Variants in PTPN6 observed in about 807,000 individuals in gnomAD.
The protein encoded by PTPN6 is tyrosine-protein phosphatase non-receptor type 6.
In PTPN6, 18 loss-of-function variants were observed where a neutral mutation model predicts 81.5. The ratio of observed to expected loss-of-function variants is 0.22; its 90% CI spans 0.15 to 0.33. The LOEUF is 0.33. Among genes scored for constraint, PTPN6 ranks in the 10% least tolerant of loss-of-function variants. The pLI is 1.00. For missense variants in PTPN6, 500 were observed against 794.2 expected (o/e 0.63, Z 4.45); for synonymous variants, 301 against 310.9 (o/e 0.97, Z 0.33).
chr12:6,952,376 TCCACCTAACCCCGAGGAAG>T lies in PTPN6; in HGVS notation c.326+204_326+222del, dbSNP rs1945941896. On this transcript the variant is annotated intron_variant, in intron 3 of 15. Transcript: ENST00000318974. The surrounding 1 kb of genome is among the most constrained non-coding windows in gnomAD (Gnocchi z 8.1). ...TCTCAGAGCCTAACCTACCACCCTT[TCCACCTAACCCCGAGGAAG>T]CCACAGAAAGCTGCCTCGCCCTACT... 1.5e-6 allele frequency: 1 copy of T among 659,586 alleles called. No homozygotes were observed. Among genetic ancestry groups the T allele is most frequent in the Non-Finnish European group, 2.6e-6 (1 of 387,012 alleles). The allele number at this position is 659,586 out of a possible 1,614,324, so 40.9% of individuals were successfully genotyped here.
intron 3 of PTPN6, chr12:6,953,324 C>T (rs782461036): frequency 6.6e-6 from 1 of 152,184 alleles, no homozygotes; most frequent in East Asian, 1.9e-4. Context: ...CATGTCCTCT[C>T]TTTCTCCTTG....
In PTPN6 at chr12:6,955,142, T is replaced by TC. The variant is rs781983019; in HGVS notation, c.517-3dup. 3.5e-5 allele frequency: 56 copies of TC among 1,613,680 alleles called. No individual in the cohort carries two copies. The highest frequency in any genetic ancestry group is 5.0e-5 in the Admixed American group (3 of 59,998). On this transcript the variant is annotated splice_polypyrimidine_tract_variant and intron_variant, in intron 4 of 15. Coordinates refer to ENST00000318974, the MANE Select transcript of PTPN6 (RefSeq NM_002831.6). This position sits in a 1 kb window ranked among gnomAD's most constrained non-coding sequence, Gnocchi z 7.2. ...AGTCCTGTGAATGGCCTAATTTGGC[T>TC]CCCCCCAGGGTGGACGCTACACAGT...
Position 6,955,806 on chromosome 12 carries a change from C to T in PTPN6, c.844+50C>T, listed in dbSNP as rs1555148566. ...ACCCAGGATACCGCCCCTGCCCCAGCTGCCTCCCCTCATCTCACAGGTCTC... is the reference window on the plus strand; with the variant it reads ...ACCCAGGATACCGCCCCTGCCCCAGTTGCCTCCCCTCATCTCACAGGTCTC... On this transcript the variant is annotated intron_variant, in intron 7 of 15. Coordinates refer to ENST00000318974, the MANE Select transcript of PTPN6 (RefSeq NM_002831.6). The surrounding 1 kb of genome is among the most constrained non-coding windows in gnomAD (Gnocchi z 7.2). 1 of 1,537,094 alleles carries T rather than the reference C, an allele frequency of 6.5e-7. No individual in the cohort carries two copies. The highest frequency in any genetic ancestry group is 1.1e-5 in the South Asian group (1 of 89,372).
Position 6,959,608 on chromosome 12 carries a change from G to T in PTPN6, c.1362-319G>T. On this transcript the variant is annotated intron_variant, in intron 11 of 15. Coordinates refer to ENST00000318974, the MANE Select transcript of PTPN6 (RefSeq NM_002831.6). This position sits in a 1 kb window ranked among gnomAD's most constrained non-coding sequence, Gnocchi z 6.6. ...ACCTGGGAGCCGGCAGGACAGTGGT[G>T]GGATTTGGGGGTCCCAGGTCTTCCG... The T allele has an allele frequency of 1.9e-6, 1 of 534,500 alleles. No homozygotes were observed. Among genetic ancestry groups the T allele is most frequent in the East Asian group, 3.3e-5 (1 of 30,682 alleles). The allele number at this position is 534,500 out of a possible 1,614,324, so 33.1% of individuals were successfully genotyped here. A position where few individuals can be genotyped will look rare whatever the true frequency, so the allele number is the denominator to read the frequency against.
rs1022658729 is a variant in PTPN6 at position 6,952,771 on chromosome 12, G to T, written c.326+594G>T. 6.1e-6 allele frequency: 1 copy of T among 163,868 alleles called. No homozygotes were observed. The highest frequency in any genetic ancestry group is 5.9e-5 in the Admixed American group (1 of 17,012). 10.2% of individuals were successfully genotyped at this position (163,868 alleles called of 1,614,324 possible). ...TGTAAAGTGTCTCACGCTGTCCCGG[G>T]CACAGAGTAATACTCCAGGCATTTC... On this transcript the variant is annotated intron_variant, in intron 3 of 15. Transcript: ENST00000318974. This position sits in a 1 kb window ranked among gnomAD's most constrained non-coding sequence, Gnocchi z 8.1.
In PTPN6 at chr12:6,956,715, C is replaced by G; in HGVS notation, c.1074+147C>G. ...AAACTGAGGGCTAGTGACAAAGTCT[C>G]GACTACACAACGTGACCCCCAGATC... is the stretch of plus-strand genomic sequence containing the variant. On this transcript the variant is annotated intron_variant, in intron 9 of 15. Coordinates refer to ENST00000318974, the MANE Select transcript of PTPN6 (RefSeq NM_002831.6). This position sits in a 1 kb window ranked among gnomAD's most constrained non-coding sequence, Gnocchi z 4.1. The G allele has an allele frequency of 9.1e-7, 1 of 1,097,660 alleles. No homozygotes were observed. The highest frequency in any genetic ancestry group is 1.3e-6 in the Non-Finnish European group (1 of 759,192). 68.0% of individuals were successfully genotyped at this position (1,097,660 alleles called of 1,614,324 possible). A position where few individuals can be genotyped will look rare whatever the true frequency, so the allele number is the denominator to read the frequency against.
Position 6,957,794 on chromosome 12 carries a change from C to T in PTPN6, c.1206+9C>T. ...TCTCCCCGCTGGACAATGTGAGTGG[C>T]CCCCACGCCCTGCCCCATTCCGGGA... On this transcript the variant is annotated intron_variant, in intron 10 of 15. Coordinates refer to ENST00000318974, the MANE Select transcript of PTPN6 (RefSeq NM_002831.6). This position sits in a 1 kb window ranked among gnomAD's most constrained non-coding sequence, Gnocchi z 6.5. 1.9e-6 allele frequency: 3 copies of T among 1,614,104 alleles called. No homozygotes were observed. Among genetic ancestry groups the T allele is most frequent in the East Asian group, 4.5e-5 (2 of 44,890 alleles).
rs1177433416 is a variant in PTPN6 at position 6,956,536 on chromosome 12, G to A, written c.1042G>A (p.Val348Ile). ...MAWQENSRVI[V>I]MTTREVEKGR... ...GTGGCAGGAGAACAGCCGTGTCATC[G>A]TCATGACCACCCGAGAGGTGGAGAA... Residue 348 changes from valine (V) to isoleucine (I), a missense_variant, in exon 9 of 16, where the codon GTC becomes ATC. Val to Ile is a conservative substitution (Grantham distance 29). Transcript: ENST00000318974. The surrounding 1 kb of genome is among the most constrained non-coding windows in gnomAD (Gnocchi z 4.1). The A allele has an allele frequency of 1.9e-6, 3 of 1,613,770 alleles. No individual in the cohort carries two copies. Among genetic ancestry groups the A allele is most frequent in the African/African-American group, 1.3e-5 (1 of 74,906 alleles).
In PTPN6 at chr12:6,960,382, C is replaced by T. The variant is rs782649218; in HGVS notation, c.1620C>T (p.Thr540=). ...AGGAGTCGGAGTACGGGAACATCAC[C>T]TATCCCCCAGCCATGAAGAATGCCC... is the stretch of plus-strand genomic sequence containing the variant. ...KGQESEYGNI[T]YPPAMKNAHA... is the part of the protein sequence containing the mutation. The change falls in exon 14 of 16, where the codon ACC becomes ACT. Residue 540 remains threonine, a synonymous_variant. Transcript: ENST00000318974. This position sits in a 1 kb window ranked among gnomAD's most constrained non-coding sequence, Gnocchi z 6.1. 2.5e-6 allele frequency: 4 copies of T among 1,613,784 alleles called. No homozygotes were observed. The highest frequency in any genetic ancestry group is 2.2e-5 in the East Asian group (1 of 44,872).
At chr12:6,958,653 A>G (rs1173168072) in intron 11 of PTPN6, among the ~76,000 whole-genome samples, 1 of 152,048 alleles carries the variant, frequency 6.6e-6, no homozygotes, top group African/African-American at 2.4e-5. Flanking sequence ...TCCTCTGTCT[A>G]TCTACCCGCA....
chr12:6,958,281 ATCTTCC>A (rs1555149124), intron 11 of PTPN6, among the ~76,000 whole-genome samples: 1 of 152,036 alleles, frequency 6.6e-6, no homozygotes, highest in African/African-American at 2.4e-5. Context: ...GCCTGTGGGT[ATCTTCC>A]TCAGAGCCCT....
rs782715055 is a variant in PTPN6 at position 6,958,987 on chromosome 12, G to A, written c.1361+914G>A. On this transcript the variant is annotated intron_variant, in intron 11 of 15. Coordinates refer to ENST00000318974, the MANE Select transcript of PTPN6 (RefSeq NM_002831.6). Reference sequence around the variant, plus strand: ...AACTCACATCAGGCAGAGAATAGGGGAATGGGAACCTGCCTTGCCCCGGTC... The same window carrying A: ...AACTCACATCAGGCAGAGAATAGGGAAATGGGAACCTGCCTTGCCCCGGTC... Among the ~76,000 whole-genome samples the A allele has an allele frequency of 3.9e-4, 59 of 152,316 alleles. No individual in the cohort carries two copies. In the South Asian group the frequency reaches 4.6e-3, roughly 12 times the overall value.
chr12:6,951,387 CG>C lies in PTPN6; in HGVS notation c.-121del. ...GTGGCAGCCCCAGAACTGGGACCAC[CG>C]GGGGTGGTGAGGCGGCCCGGCACTG... is the stretch of plus-strand genomic sequence containing the variant. On this transcript the variant is annotated 5_prime_UTR_variant, in exon 1 of 16. Transcript: ENST00000318974. The surrounding 1 kb of genome is among the most constrained non-coding windows in gnomAD (Gnocchi z 7.2). 1 of 1,546,944 alleles carries C rather than the reference CG, an allele frequency of 6.5e-7. No homozygotes were observed.
chr12:6,960,824 TG>T lies in PTPN6; in HGVS notation c.1693del (p.Glu565ArgfsTer13). 6.4e-7 allele frequency: 1 copy of T among 1,569,836 alleles called. No homozygotes were observed. The highest frequency in any genetic ancestry group is 8.6e-7 in the Non-Finnish European group (1 of 1,156,866). ...TSSKHKEDVYENLHTKNKREE... is the reference protein window; with the variant it reads ...TSSKHKEDVYXNLHTKNKREE... The stretch of plus-strand genomic sequence containing the variant: ...GCTGCAGACACAAGGAGGATGTGTA[TG>T]AGAACCTGCACACTAAGAACAAGAG... On this transcript the variant is annotated frameshift_variant, in exon 15 of 16. Transcript: ENST00000318974. LOFTEE classifies it high-confidence loss of function. The surrounding 1 kb of genome is among the most constrained non-coding windows in gnomAD (Gnocchi z 6.1).
chr12:6,959,817 T>TGGA lies in PTPN6; in HGVS notation c.1362-107_1362-105dup. 1 of 1,181,976 alleles carries TGGA rather than the reference T, an allele frequency of 8.5e-7. No homozygotes were observed. Among genetic ancestry groups the TGGA allele is most frequent in the Non-Finnish European group, 1.3e-6 (1 of 797,876 alleles). 73.2% of individuals were successfully genotyped at this position (1,181,976 alleles called of 1,614,324 possible). On this transcript the variant is annotated intron_variant, in intron 11 of 15. Coordinates refer to ENST00000318974, the MANE Select transcript of PTPN6 (RefSeq NM_002831.6). The surrounding 1 kb of genome is among the most constrained non-coding windows in gnomAD (Gnocchi z 6.6). ...CCCTGGGCACATTCCCTCCCATCAC[T>TGGA]GGAGGCTCAGGCTGCTCCTGTGGTG...
rs374706005 is a variant in PTPN6, at chr12:6,960,265, G to T, written c.1581+26G>T. Reference sequence around the variant, plus strand: ...GTGCGTGCAGAGCAGGGCCTGGGGGGGGGGGGGGCTGCAGTGCAGGATGGG... The same window carrying T: ...GTGCGTGCAGAGCAGGGCCTGGGGGTGGGGGGGGCTGCAGTGCAGGATGGG... On this transcript the variant is annotated intron_variant, in intron 13 of 15. Coordinates refer to ENST00000318974, the MANE Select transcript of PTPN6 (RefSeq NM_002831.6). This position sits in a 1 kb window ranked among gnomAD's most constrained non-coding sequence, Gnocchi z 6.1. 190 of 1,607,044 alleles carry T rather than the reference G, an allele frequency of 1.2e-4. 1 individual carries two copies. Among genetic ancestry groups the T allele is most frequent in the Admixed American group, 7.7e-4 (46 of 59,798 alleles).
At chr12:6,948,487 AAAAG>A (rs1286757049), upstream of PTPN6, among the ~76,000 whole-genome samples, 2 of 151,662 alleles carry the variant, frequency 1.3e-5, no homozygotes, top group Middle Eastern at 3.4e-3. Context: ...GGAAGAAAGA[AAAAG>A]AGAAAGAAGG....
rs1945984594 is a variant in PTPN6 at position 6,954,451 on chromosome 12, A to G, written c.327-354A>G. ...GTTCGAAGCCCGGTTAGAACTCTGG[A>G]GGCTAGGATGGCTTGAACCTGGGAG... On this transcript the variant is annotated intron_variant, in intron 3 of 15. Coordinates refer to ENST00000318974, the MANE Select transcript of PTPN6 (RefSeq NM_002831.6). The surrounding 1 kb of genome is among the most constrained non-coding windows in gnomAD (Gnocchi z 5.4). Among the ~76,000 whole-genome samples the G allele has an allele frequency of 1.3e-5, 2 of 152,126 alleles. No individual in the cohort carries two copies. Among genetic ancestry groups the G allele is most frequent in the Admixed American group, 1.3e-4 (2 of 15,282 alleles).
upstream of PTPN6, among the ~76,000 whole-genome samples, chr12:6,949,179 C>T (rs1334111841): frequency 6.6e-6 from 1 of 152,126 alleles, no homozygotes; most frequent in Non-Finnish European, 1.5e-5. Flanking sequence ...CCAGGCCTCC[C>T]CTGGTGCAGA....
Sources: gnomAD v4.1 joint callset for allele counts (sites outside exome capture counted in the v4.1 genomes callset) on GRCh38, gnomAD v4.1.1 for gene constraint, Gnocchi (gnomAD v3.1) non-coding constraint, MANE v1.5 for transcripts, NCBI Gene and HGNC (gene_info 2026-07-23, HGNC 2026-07-21) for gene names.